LAMB3: variants seen among roughly 807,000 people sequenced by gnomAD.
The protein encoded by LAMB3 is laminin subunit beta 3, also known as laminin subunit beta-3.
In LAMB3, 104 loss-of-function variants were observed where a neutral mutation model predicts 140.3. That is an observed-to-expected ratio of 0.74 (90% CI 0.63 to 0.87). The LOEUF (loss-of-function observed/expected upper bound fraction) is 0.87, where lower values mean the gene tolerates loss of function less well. Ranked by LOEUF, LAMB3 falls within the 40% of genes least tolerant of loss-of-function variation. The pLI is 0.00. For missense variants in LAMB3, 1,531 were observed against 1,575.2 expected (o/e 0.97, Z 0.47); for synonymous variants, 592 against 602.9 (o/e 0.98, Z 0.26).
At chr1:209,652,059 T>G (rs1208896330) in intron 1 of LAMB3, among the ~76,000 whole-genome samples, 1 of 152,082 alleles carries the variant, frequency 6.6e-6, no homozygotes, top group Non-Finnish European at 1.5e-5. Context: ...ATCCAGTGCT[T>G]TCTCAGCTTT....
chr1:209,651,122 A>G, intron 1 of LAMB3, 141 bp from the exon 2 acceptor site: 1 of 693,204 alleles, frequency 1.4e-6, no homozygotes. Flanking sequence ...GGAGCAGCAG[A>G]TACATTTGTA....
In LAMB3 at chr1:209,634,451, C is replaced by T. The variant is rs779991209; in HGVS notation, c.560G>A (p.Gly187Glu). The change falls in exon 6 of 23, where the codon GGG becomes GAG. Residue 187 changes from glycine (G) to glutamate (E), a missense_variant. Gly to Glu is a moderately conservative substitution (Grantham distance 98, BLOSUM62 -2). Coordinates refer to ENST00000356082, the MANE Select transcript of LAMB3 (RefSeq NM_000228.3). ...PQRPNARLNG[G>E]KVQLNLMDLV... Reference sequence around the variant, plus strand: ...TTCAGGATTCCCTCTACCTACCTTCCCCCCATTTAGGCGTGCATTAGGCCT... The same window carrying T: ...TTCAGGATTCCCTCTACCTACCTTCTCCCCATTTAGGCGTGCATTAGGCCT... 4 of 1,613,906 alleles carry T rather than the reference C, an allele frequency of 2.5e-6. No individual in the cohort carries two copies. The highest frequency in any genetic ancestry group is 3.4e-6 in the Non-Finnish European group (4 of 1,179,874).
At chr1:209,627,895 G>T in intron 11 of LAMB3, 140 bp downstream of exon 11, 1 of 1,175,792 alleles carries the variant, frequency 8.5e-7, no homozygotes, top group Non-Finnish European at 1.2e-6. Flanking sequence ...CGGACTCCTG[G>T]CAAAGGCCCG....
intron 3 of LAMB3, among the ~76,000 whole-genome samples, chr1:209,644,759 C>T (rs2076501097): frequency 6.6e-6 from 1 of 152,358 alleles, no homozygotes; most frequent in East Asian, 1.9e-4. Context: ...AACTTCAGCA[C>T]AGACATCTCC....
At chr1:209,622,871 G>C (rs939287258) in intron 17 of LAMB3, 111 bp downstream of exon 17, 6 of 1,392,094 alleles carry the variant, frequency 4.3e-6, no homozygotes, top group Non-Finnish European at 6.1e-6. Flanking sequence ...CCTTAAGCAG[G>C]TCACCTAAAA....
At chr1:209,628,958 C>G (rs1448914310) in intron 10 of LAMB3, among the ~76,000 whole-genome samples, 1 of 152,202 alleles carries the variant, frequency 6.6e-6, no homozygotes, top group East Asian at 1.9e-4. Flanking sequence ...GTTCTCATTA[C>G]AAGTTCATGC....
rs1268291503 is a variant in LAMB3 at position 209,630,612 on chromosome 1, T to C, written c.943+3A>G. Reference sequence around the variant, plus strand: ...CAGGGGAGGGGTGATCCAAAGCTCCTACTTTGGCATTCATGGGCGTCCTGG... The same window carrying C: ...CAGGGGAGGGGTGATCCAAAGCTCCCACTTTGGCATTCATGGGCGTCCTGG... On this transcript the variant is annotated splice_donor_region_variant and intron_variant, in intron 9 of 22. Coordinates refer to ENST00000356082, the MANE Select transcript of LAMB3 (RefSeq NM_000228.3). The C allele has an allele frequency of 1.2e-6, 2 of 1,614,114 alleles. No individual in the cohort carries two copies. Among genetic ancestry groups the C allele is most frequent in the Admixed American group, 1.7e-5 (1 of 60,020 alleles).
At chr1:209,641,906 T>C (rs770017735) in intron 3 of LAMB3, among the ~76,000 whole-genome samples, 13 of 152,258 alleles carry the variant, frequency 8.5e-5, no homozygotes, top group Non-Finnish European at 1.8e-4. Context: ...CCGTCCTCTG[T>C]CTGCACTCAG....
rs184555183 is a variant in LAMB3 at position 209,640,944 on chromosome 1, A to G, written c.184-2296T>C. Among the ~76,000 whole-genome samples the G allele has an allele frequency of 5.2e-3, 792 of 152,140 alleles. 6 individuals are homozygous for G. The highest frequency in any genetic ancestry group is 7.8e-3 in the Non-Finnish European group (528 of 67,978). On this transcript the variant is annotated intron_variant, in intron 3 of 22. Coordinates refer to ENST00000356082, the MANE Select transcript of LAMB3 (RefSeq NM_000228.3). ...AAAATACAAAAAAAATTAACTGGGC[A>G]TGGTGGCGGGCCCCTGTAGTCCCAG... is the stretch of plus-strand genomic sequence containing the variant.
At chr1:209,637,864 C>T (rs1666942570) in intron 5 of LAMB3, 44 bp downstream of exon 5, 1 of 1,518,078 alleles carries the variant, frequency 6.6e-7, no homozygotes, top group Non-Finnish European at 9.1e-7. Flanking sequence ...CCCACATGGC[C>T]CAGGAGCCCC....
intron 3 of LAMB3, among the ~76,000 whole-genome samples, chr1:209,646,903 A>G (rs9429823): frequency 0.58 from 87,847 of 152,144 alleles, 25,865 homozygotes; most frequent in Middle Eastern, 0.65. Flanking sequence ...TCACAGAATC[A>G]CAGACATTTT....
intron 8 of LAMB3, among the ~76,000 whole-genome samples, chr1:209,631,605 G>A (rs1188410006): frequency 6.6e-6 from 1 of 152,170 alleles, no homozygotes; most frequent in Non-Finnish European, 1.5e-5. Flanking sequence ...CCAGGCAGTG[G>A]CACCTTTTAA....
At chr1:209,645,290 T>A (rs566691793) in intron 3 of LAMB3, among the ~76,000 whole-genome samples, 1 of 152,312 alleles carries the variant, frequency 6.6e-6, no homozygotes, top group Admixed American at 6.5e-5. Context: ...GGTCATAGAT[T>A]GATATGGTGC....
Position 209,638,620 on chromosome 1 carries a change from G to A in LAMB3, c.212C>T (p.Ser71Phe), listed in dbSNP as rs756431966. Reference protein sequence around the residue: ...EWQMKCCKCDSRQPHNYYSHR... With the variant: ...EWQMKCCKCDFRQPHNYYSHR... ...ACTGTAGTAGTTGTGAGGCTGCCTG[G>A]AGTCACACTTGCAGCATTTCATCTG... Residue 71 changes from serine to phenylalanine, a missense_variant, in exon 4 of 23, where the codon TCC becomes TTC. Coordinates refer to ENST00000356082, the MANE Select transcript of LAMB3 (RefSeq NM_000228.3). The A allele has an allele frequency of 1.9e-6, 3 of 1,613,860 alleles. No individual in the cohort carries two copies. The highest frequency in any genetic ancestry group is 2.5e-6 in the Non-Finnish European group (3 of 1,179,766).
rs1216892545 is a variant in LAMB3, at chr1:209,650,084, G to A, written c.63C>T (p.Cys21=). ...LPGLLHAQQA[C]SRGACYPPVG... is the part of the protein sequence containing the mutation. Reference sequence around the variant, plus strand: ...CAGGTGGATAGCAGGCCCCACGGGAGCAGGCTTGTTGGGCATGCAGGAGGC... The same window carrying A: ...CAGGTGGATAGCAGGCCCCACGGGAACAGGCTTGTTGGGCATGCAGGAGGC... The change falls in exon 3 of 23, where the codon TGC becomes TGT. Residue 21 remains cysteine (C), a synonymous_variant. Coordinates refer to ENST00000356082, the MANE Select transcript of LAMB3 (RefSeq NM_000228.3). The A allele has an allele frequency of 1.9e-6, 3 of 1,613,964 alleles. No homozygotes were observed. Among genetic ancestry groups the A allele is most frequent in the Non-Finnish European group, 2.5e-6 (3 of 1,180,032 alleles).
At chr1:209,632,935 C>A in intron 7 of LAMB3, 135 bp downstream of exon 7, 1 of 1,017,210 alleles carries the variant, frequency 9.8e-7, no homozygotes, top group South Asian at 1.3e-5. Flanking sequence ...CCCTATGGGG[C>A]AAGCAGGGCA....
intron 12 of LAMB3, 45 bp downstream of exon 12, chr1:209,627,338 C>G (rs752234655): frequency 6.7e-7 from 1 of 1,502,716 alleles, no homozygotes; most frequent in Admixed American, 1.7e-5. Flanking sequence ...GTGCTCAGGA[C>G]CCCCCTCCCA....
intron 14 of LAMB3, 79 bp from the exon 15 acceptor site, chr1:209,624,079 T>A: frequency 4.7e-6 from 6 of 1,279,302 alleles, no homozygotes; most frequent in Non-Finnish European, 6.6e-6. Flanking sequence ...TCAGAGCAAC[T>A]GCTACTGAGT....
At chr1:209,647,526 G>A (rs1021069826) in intron 3 of LAMB3, among the ~76,000 whole-genome samples, 1 of 152,278 alleles carries the variant, frequency 6.6e-6, no homozygotes, top group South Asian at 2.1e-4. Context: ...CCTGGGCTCA[G>A]GGCTCGCTAT....
Sources: gnomAD v4.1 joint callset for allele counts (sites outside exome capture counted in the v4.1 genomes callset) on GRCh38, gnomAD v4.1.1 for gene constraint, MANE v1.5 for transcripts, NCBI Gene and HGNC (gene_info 2026-07-23, HGNC 2026-07-21) for gene names.